The following TRRAP variants were observed in gnomAD, a reference collection of about 807,000 sequenced individuals.
TRRAP encodes the protein transformation/transcription domain-associated protein.
Under a neutral mutation model 438.8 loss-of-function variants are expected in TRRAP, and 41 were observed. The observed-to-expected ratio is 0.09, with a 90% CI of 0.07 to 0.12. TRRAP has a LOEUF of 0.12. TRRAP is among the 10% of genes least tolerant of loss of function. The pLI is 1.00. For synonymous variants in TRRAP, 1,994 were observed against 1,962.9 expected (o/e 1.02, Z -0.42); for missense variants, 3,122 against 5,055.1 (o/e 0.62, Z 11.60).
chr7:98,924,327 A>G (rs1214769453), intron 21 of TRRAP, among the ~76,000 whole-genome samples: 4 of 152,224 alleles, frequency 2.6e-5, no homozygotes, highest in Non-Finnish European at 5.9e-5. Flanking sequence ...CCAGGTGAAT[A>G]CCTATTAAAG....
chr7:99,005,305 G>A lies in TRRAP; in HGVS notation c.10710G>A (p.Leu3570=). 1 of 1,614,040 alleles carries A rather than the reference G, an allele frequency of 6.2e-7. No homozygotes were observed. Among genetic ancestry groups the A allele is most frequent in the Non-Finnish European group, 8.5e-7 (1 of 1,180,028 alleles). The change falls in exon 69 of 73, where the codon TTG becomes TTA. Residue 3570 remains leucine, a synonymous_variant. Coordinates refer to ENST00000456197, the MANE Select transcript of TRRAP (RefSeq NM_001375524.1). This position sits in a 1 kb window ranked among gnomAD's most constrained non-coding sequence, Gnocchi z 5.1. ...TGCTGCGTCTGCTGAACCCCTGTTT[G>A]GAGAAGAGAAAGGAGACCACCAAGA... is the stretch of plus-strand genomic sequence containing the variant. The part of the protein sequence containing the change: ...LQLLRLLNPC[L]EKRKETTKRH...
intron 33 of TRRAP, among the ~76,000 whole-genome samples, chr7:98,946,553 ACACATGCACACACAC>A (rs1791075074): frequency 1.3e-5 from 2 of 148,662 alleles, no homozygotes; most frequent in South Asian, 4.3e-4. Flanking sequence ...CACTCACACC[ACACATGCACACACAC>A]CACACGCGCA....
At chr7:98,883,193 A>G (rs1795540621) in intron 3 of TRRAP, among the ~76,000 whole-genome samples, 1 of 152,132 alleles carries the variant, frequency 6.6e-6, no homozygotes, top group Non-Finnish European at 1.5e-5. Flanking sequence ...TGTCCTTTAG[A>G]TTGGATAATT....
chr7:98,883,912 C>T (rs868991401), intron 3 of TRRAP, among the ~76,000 whole-genome samples: 1 of 152,192 alleles, frequency 6.6e-6, no homozygotes, highest in South Asian at 2.1e-4. Context: ...GACGTTTTGT[C>T]GTAGTAGGCA....
Position 98,984,984 on chromosome 7 carries a change from CAA to C in TRRAP, c.9332_9333del (p.Lys3111ArgfsTer94). ...GAATCTACAAATTTAAAATACTTCA[CAA>C]AAGAGATGACAGCCGAATTTTATGC... On this transcript the variant is annotated frameshift_variant, in exon 62 of 73. Transcript: ENST00000456197. LOFTEE classifies it high-confidence loss of function. 6.2e-7 allele frequency: 1 copy of C among 1,613,488 alleles called. No homozygotes were observed. The highest frequency in any genetic ancestry group is 8.5e-7 in the Non-Finnish European group (1 of 1,179,716).
chr7:98,936,162 C>CT (rs1258888840), intron 28 of TRRAP, among the ~76,000 whole-genome samples: 1 of 152,184 alleles, frequency 6.6e-6, no homozygotes, highest in Non-Finnish European at 1.5e-5. Context: ...CAATCATTTT[C>CT]TTTCTAGTGG....
chr7:98,909,026 T>TC, intron 14 of TRRAP, 64 bp downstream of exon 14: 1 of 1,426,012 alleles, frequency 7.0e-7, no homozygotes, highest in East Asian at 2.5e-5. Context: ...TAAATTTTTT[T>TC]TTTTTTTTTT....
intron 39 of TRRAP, among the ~76,000 whole-genome samples, chr7:98,951,522 T>C (rs1488159180): frequency 6.6e-6 from 1 of 152,218 alleles, no homozygotes; most frequent in Non-Finnish European, 1.5e-5. Context: ...TAGAGAGGGC[T>C]TTTTGAATTA....
rs556840167 is a variant in TRRAP, at chr7:98,976,080, T to G, written c.7840-69T>G. On this transcript the variant is annotated intron_variant, in intron 53 of 72. Coordinates refer to ENST00000456197, the MANE Select transcript of TRRAP (RefSeq NM_001375524.1). The surrounding 1 kb of genome is among the most constrained non-coding windows in gnomAD (Gnocchi z 4.6). The stretch of plus-strand genomic sequence containing the variant: ...ATGTATGAGACAGATCATGGGTGTC[T>G]TCTGAGCGTGGTTGTGCGAGGCACC... 5.6e-4 allele frequency: 895 copies of G among 1,590,428 alleles called. 3 individuals are homozygous for G. The highest frequency in any genetic ancestry group is 1.3e-3 in the South Asian group (112 of 89,004).
intron 56 of TRRAP, among the ~76,000 whole-genome samples, chr7:98,977,480 T>G (rs556004833): frequency 1.3e-5 from 2 of 152,284 alleles, no homozygotes; most frequent in Admixed American, 1.3e-4. Flanking sequence ...TTTAAATACG[T>G]TTTAAAGCAT....
At chr7:98,898,777 G>T (rs1178883291) in intron 8 of TRRAP, among the ~76,000 whole-genome samples, 1 of 152,144 alleles carries the variant, frequency 6.6e-6, no homozygotes, top group Non-Finnish European at 1.5e-5. Flanking sequence ...ACTTTGTGCT[G>T]TTCTTTTAAA....
chr7:98,900,241 GC>G (rs1554406439), intron 10 of TRRAP, among the ~76,000 whole-genome samples: 2 of 152,056 alleles, frequency 1.3e-5, no homozygotes, highest in Non-Finnish European at 2.9e-5. Flanking sequence ...CTGACTTGGA[GC>G]CCGTCTGGCT....
intron 1 of TRRAP, among the ~76,000 whole-genome samples, chr7:98,880,116 C>T (rs533964432): frequency 9.9e-5 from 15 of 152,252 alleles, no homozygotes; most frequent in Non-Finnish European, 1.8e-4. Flanking sequence ...GTGCCCGTCA[C>T]GTAACCACAG....
intron 28 of TRRAP, 128 bp downstream of exon 28, chr7:98,935,803 G>T: frequency 1.7e-6 from 1 of 599,206 alleles, no homozygotes; most frequent in Non-Finnish European, 2.7e-6. Flanking sequence ...TTTAAGATGG[G>T]ATCAAAAAAT....
chr7:98,886,147 A>C (rs1795684448), intron 3 of TRRAP, among the ~76,000 whole-genome samples: 1 of 152,210 alleles, frequency 6.6e-6, no homozygotes, highest in African/African-American at 2.4e-5. Flanking sequence ...CTAGCCGAGC[A>C]TGGTGGCACA....
intron 4 of TRRAP, among the ~76,000 whole-genome samples, chr7:98,891,652 C>T (rs1245383744): frequency 2.0e-5 from 3 of 151,638 alleles, no homozygotes; most frequent in Non-Finnish European, 4.4e-5. Context: ...TCTCCTGCCT[C>T]AGCCTCCCGA....
chr7:98,907,014 C>T (rs1193606384), intron 13 of TRRAP, among the ~76,000 whole-genome samples: 2 of 148,920 alleles, frequency 1.3e-5, no homozygotes, highest in South Asian at 2.1e-4. Context: ...TTGTTTCTTA[C>T]ACTTAAAAAA....
rs1562955799 is a variant in TRRAP, at chr7:98,949,704, C to G, written c.4998C>G (p.Ser1666Arg). The part of the protein sequence containing the change: ...IVKNDDSWLA[S>R]QHSLVSQLRR... ...AAAACGATGACTCCTGGCTGGCCAG[C>G]CAGCACTCTCTGGTGAGCCAGTTGC... The change falls in exon 37 of 73, where the codon AGC becomes AGG. Residue 1666 changes from serine to arginine, a missense_variant. Physicochemically the swap from Ser to Arg is moderately radical, Grantham distance 110 (BLOSUM62 -1). This residue lies in a region of TRRAP where 272 missense variants were observed against 348.5 expected (regional missense o/e 0.78). Transcript: ENST00000456197. 6.2e-7 allele frequency: 1 copy of G among 1,614,072 alleles called. No individual in the cohort carries two copies. Among genetic ancestry groups the G allele is most frequent in the East Asian group, 2.2e-5 (1 of 44,880 alleles).
chr7:98,925,738 A>G (rs1790021406), intron 22 of TRRAP, among the ~76,000 whole-genome samples: 1 of 152,126 alleles, frequency 6.6e-6, no homozygotes, highest in South Asian at 2.1e-4. Flanking sequence ...CACACATACC[A>G]TTTTTCTGCA....
Sources: gnomAD v4.1 joint callset for allele counts (sites outside exome capture counted in the v4.1 genomes callset) on GRCh38, gnomAD v4.1.1 for gene constraint, gnomAD v4.1.1 regional missense constraint, Gnocchi (gnomAD v3.1) non-coding constraint, MANE v1.5 for transcripts, NCBI Gene and HGNC (gene_info 2026-07-23, HGNC 2026-07-21) for gene names.